The following CTNNA2 variants were observed in gnomAD, a reference collection of about 807,000 sequenced individuals.
The protein encoded by CTNNA2 is catenin alpha 2, also known as catenin alpha-2.
A neutral mutation model predicts 101.0 loss-of-function variants in CTNNA2; 42 were observed. The ratio of observed to expected loss-of-function variants is 0.42; its 90% CI spans 0.32 to 0.54. The LOEUF is 0.54. Ranked by LOEUF, CTNNA2 falls within the 20% of genes least tolerant of loss-of-function variation. CTNNA2 has a pLI of 0.14. For missense variants in CTNNA2, 871 were observed against 1,223.1 expected (o/e 0.71, Z 4.29); for synonymous variants, 450 against 456.4 (o/e 0.99, Z 0.18).
chr2:79,248,719 G>A (rs532456819), intron 2 of CTNNA2, among the ~76,000 whole-genome samples: 1 of 152,222 alleles, frequency 6.6e-6, no homozygotes, highest in East Asian at 1.9e-4. Flanking sequence ...GCTTCCTTTT[G>A]TCCCCCATCA....
intron 4 of CTNNA2, among the ~76,000 whole-genome samples, chr2:79,457,621 C>T (rs1018476632): frequency 6.6e-6 from 1 of 152,054 alleles, no homozygotes; most frequent in Non-Finnish European, 1.5e-5. Context: ...TGTCAGTTAG[C>T]CTCATGGGAG....
chr2:79,617,354 T>C (rs968624139), intron 1 of CTNNA2, among the ~76,000 whole-genome samples: 2 of 152,212 alleles, frequency 1.3e-5, no homozygotes, highest in African/African-American at 4.8e-5. Context: ...CTTTCTGCTT[T>C]CATTTTTGGA....
intron 18 of CTNNA2, among the ~76,000 whole-genome samples, chr2:80,623,569 C>G (rs963669957): frequency 4.6e-5 from 7 of 152,024 alleles, no homozygotes; most frequent in African/African-American, 1.7e-4. Context: ...AGAAATTCTT[C>G]TGACCATGCT....
rs1176870095 is a variant in CTNNA2, at chr2:80,439,602, C to T, written c.1290+20001C>T. On this transcript the variant is annotated intron_variant, in intron 9 of 18. Coordinates refer to ENST00000402739, the MANE Select transcript of CTNNA2 (RefSeq NM_001282597.3). Reference sequence around the variant, plus strand: ...TTTTAGTAGAGAAGAGGTTTTGCCACGTTGGCCGGGCTGGTCTTGAATTCC... The same window carrying T: ...TTTTAGTAGAGAAGAGGTTTTGCCATGTTGGCCGGGCTGGTCTTGAATTCC... 5.3e-5 allele frequency among the ~76,000 whole-genome samples: 8 copies of T among 152,150 alleles called. No homozygotes were observed. In the East Asian group the frequency reaches 7.8e-4, roughly 15 times the overall value.
At chr2:79,574,446 CT>C (rs574002003) in intron 1 of CTNNA2, among the ~76,000 whole-genome samples, 46 of 152,264 alleles carry the variant, frequency 3.0e-4, no homozygotes, top group African/African-American at 1.1e-3. Context: ...TTAACTACCA[CT>C]TTTAAGTGAG....
chr2:80,460,283 A>G (rs1684317857), intron 9 of CTNNA2, among the ~76,000 whole-genome samples: 1 of 151,352 alleles, frequency 6.6e-6, no homozygotes, highest in African/African-American at 2.5e-5. Context: ...AGTGACAGTC[A>G]TTTAGCTAGC....
chr2:79,684,196 C>T (rs1323784145), intron 2 of CTNNA2, among the ~76,000 whole-genome samples: 1 of 152,084 alleles, frequency 6.6e-6, no homozygotes, highest in Non-Finnish European at 1.5e-5. Context: ...AATTTTTGGA[C>T]CAGTCTACAC....
chr2:79,908,548 C>A (rs1473400729), intron 6 of CTNNA2, among the ~76,000 whole-genome samples: 1 of 152,174 alleles, frequency 6.6e-6, no homozygotes, highest in Admixed American at 6.5e-5. Context: ...AGGAAACCAG[C>A]CTTTGGTCAA....
Position 80,208,458 on chromosome 2 carries a change from C to T in CTNNA2, c.1057-184753C>T, listed in dbSNP as rs143164648. 5.9e-5 allele frequency among the ~76,000 whole-genome samples: 9 copies of T among 152,248 alleles called. No individual in the cohort carries two copies. In the East Asian group the frequency reaches 1.7e-3, roughly 29 times the overall value. On this transcript the variant is annotated intron_variant, in intron 7 of 18. Coordinates refer to ENST00000402739, the MANE Select transcript of CTNNA2 (RefSeq NM_001282597.3). Reference sequence around the variant, plus strand: ...TAACAATTATAAGGAAAGAAATTCTCAACAAAATGTATTGATGGATTCTCA... The same window carrying T: ...TAACAATTATAAGGAAAGAAATTCTTAACAAAATGTATTGATGGATTCTCA...
At chr2:79,451,364 T>A (rs929980458) in intron 4 of CTNNA2, among the ~76,000 whole-genome samples, 1 of 152,064 alleles carries the variant, frequency 6.6e-6, no homozygotes, top group African/African-American at 2.4e-5. Context: ...TTCAGATACG[T>A]TTTTGAAAAA....
chr2:79,808,453 G>A (rs928834845), intron 3 of CTNNA2, among the ~76,000 whole-genome samples: 1 of 152,210 alleles, frequency 6.6e-6, no homozygotes, highest in African/African-American at 2.4e-5. Context: ...GCCTGTCATA[G>A]CTTGAAGGCC....
At chr2:79,339,264 A>G (rs1677075777) in intron 3 of CTNNA2, among the ~76,000 whole-genome samples, 1 of 152,194 alleles carries the variant, frequency 6.6e-6, no homozygotes, top group South Asian at 2.1e-4. Flanking sequence ...ATAGAATCCA[A>G]GAGAAGAGCA....
At chr2:80,639,116 C>G (rs984062076) in intron 18 of CTNNA2, among the ~76,000 whole-genome samples, 2 of 152,214 alleles carry the variant, frequency 1.3e-5, no homozygotes, top group Admixed American at 1.3e-4. Flanking sequence ...TTACAAGATC[C>G]TGTTATCAAA....
At chr2:80,186,840 T>C (rs1706161865) in intron 7 of CTNNA2, among the ~76,000 whole-genome samples, 1 of 152,218 alleles carries the variant, frequency 6.6e-6, no homozygotes, top group Non-Finnish European at 1.5e-5. Flanking sequence ...TTTCATGAGA[T>C]AGTCTTTCAG....
intron 1 of CTNNA2, among the ~76,000 whole-genome samples, chr2:79,571,234 T>C (rs1558739205): frequency 1.3e-5 from 2 of 152,138 alleles, no homozygotes; most frequent in Non-Finnish European, 2.9e-5. Flanking sequence ...ACAAGTGTCT[T>C]ACCTTGGAAA....
chr2:79,220,479 T>G (rs1305932989), intron 2 of CTNNA2, among the ~76,000 whole-genome samples: 11 of 151,900 alleles, frequency 7.2e-5, no homozygotes, highest in Admixed American at 4.6e-4. Flanking sequence ...TCCTCTGGGG[T>G]GGGTCCCTGT....
intron 7 of CTNNA2, among the ~76,000 whole-genome samples, chr2:80,196,662 T>A (rs1455214382): frequency 6.6e-6 from 1 of 152,234 alleles, no homozygotes; most frequent in Non-Finnish European, 1.5e-5. Flanking sequence ...GCTGCTGGAA[T>A]GGCCAATGAT....
chr2:80,541,805 G>A (rs1183651181), intron 9 of CTNNA2, among the ~76,000 whole-genome samples: 1 of 151,740 alleles, frequency 6.6e-6, no homozygotes, highest in Non-Finnish European at 1.5e-5. Context: ...AGCTTACACT[G>A]TGCTCCCTGG....
chr2:79,188,356 A>G (rs1014207967), intron 1 of CTNNA2, among the ~76,000 whole-genome samples: 1 of 152,244 alleles, frequency 6.6e-6, no homozygotes, highest in African/African-American at 2.4e-5. Context: ...TCGACCTCCA[A>G]TCATTAAACC....
Sources: gnomAD v4.1 joint callset for allele counts (sites outside exome capture counted in the v4.1 genomes callset) on GRCh38, gnomAD v4.1.1 for gene constraint, MANE v1.5 for transcripts, NCBI Gene and HGNC (gene_info 2026-07-23, HGNC 2026-07-21) for gene names.